Variants in TRPC7 observed in about 807,000 individuals in gnomAD.
TRPC7 encodes the protein short transient receptor potential channel 7.
In TRPC7, 42 loss-of-function variants were observed where a neutral mutation model predicts 90.1. That is an observed-to-expected ratio of 0.47 (90% CI 0.36 to 0.60). The LOEUF is 0.60. Among genes scored for constraint, TRPC7 ranks in the 20% least tolerant of loss-of-function variants. The probability of loss-of-function intolerance (pLI) is 0.00; values close to 1 mark genes in which losing one functional copy is unlikely to be tolerated. For synonymous variants in TRPC7, 451 were observed against 436.3 expected, an observed-to-expected ratio of 1.03 and a Z score of -0.42; for missense variants, 955 against 1,112.3, an observed-to-expected ratio of 0.86 and a Z score of 2.01.
intron 2 of TRPC7, among the ~76,000 whole-genome samples, chr5:136,339,577 C>T (rs1004302366): frequency 8.5e-5 from 13 of 152,240 alleles, no homozygotes; most frequent in African/African-American, 3.1e-4. Flanking sequence ...GACCAACTAA[C>T]TCCACTTGGA....
intron 3 of TRPC7, among the ~76,000 whole-genome samples, chr5:136,294,904 G>A (rs1758108075): frequency 6.6e-6 from 1 of 152,212 alleles, no homozygotes; most frequent in South Asian, 2.1e-4. Context: ...GTCCAGCAAT[G>A]ATAGACTGGA....
chr5:136,357,818 G>T (rs1317956757), intron 1 of TRPC7, among the ~76,000 whole-genome samples: 1 of 152,206 alleles, frequency 6.6e-6, no homozygotes, highest in African/African-American at 2.4e-5. Flanking sequence ...TACATGTGCT[G>T]CAGAGTCTGT....
In TRPC7 at chr5:136,315,675, C is replaced by G. The variant is rs757674510; in HGVS notation, c.885G>C (p.Val295=). The change falls in exon 3 of 12, where the codon GTG becomes GTC. Residue 295 remains valine (V), a synonymous_variant. Transcript: ENST00000513104. Reference sequence around the variant, plus strand: ...GGTGGTCGGACCAGACTTGGAAGTTCACATCACCGTTTAAAATTGCTTCCA... The same window carrying G: ...GGTGGTCGGACCAGACTTGGAAGTTGACATCACCGTTTAAAATTGCTTCCA... ...EEVEAILNGD[V]NFQVWSDHHR... is the part of the protein sequence containing the mutation. 6.2e-7 allele frequency: 1 copy of G among 1,613,960 alleles called. No homozygotes were observed. Among genetic ancestry groups the G allele is most frequent in the South Asian group, 1.1e-5 (1 of 91,068 alleles).
rs1364256162 is a variant in TRPC7 at position 136,247,921 on chromosome 5, C to T, written c.1580-186G>A. On this transcript the variant is annotated intron_variant, in intron 6 of 11. Transcript: ENST00000513104. This position sits in a 1 kb window ranked among gnomAD's most constrained non-coding sequence, Gnocchi z 4.2. ...AATGTGCTGGACCATCTGCCTGGAA[C>T]ACTCTTCTCTCACTTCGAAGTATGA... is the stretch of plus-strand genomic sequence containing the variant. Among the ~76,000 whole-genome samples, 1 of 152,214 alleles carries T rather than the reference C, an allele frequency of 6.6e-6. No homozygotes were observed. The highest frequency in any genetic ancestry group is 2.4e-5 in the African/African-American group (1 of 41,460).
chr5:136,277,925 T>G (rs9885444), intron 3 of TRPC7, among the ~76,000 whole-genome samples: 3,324 of 152,326 alleles, frequency 0.022, 117 homozygotes, highest in African/African-American at 0.075. Context: ...TGATTCATAT[T>G]CATCATAGTA....
chr5:136,294,981 C>G (rs1758111030), intron 3 of TRPC7, among the ~76,000 whole-genome samples: 1 of 152,192 alleles, frequency 6.6e-6, no homozygotes, highest in South Asian at 2.1e-4. Context: ...AGTTAATGTG[C>G]TTTGTAGGGA....
At position 136,341,096 on chromosome 5, in the gene TRPC7, C is replaced by T. The variant is rs567133255; in HGVS notation, c.780+15512G>A. Among the ~76,000 whole-genome samples the T allele has an allele frequency of 2.1e-3, 317 of 152,310 alleles. 1 individual carries two copies. The highest frequency in any genetic ancestry group is 7.3e-3 in the African/African-American group (302 of 41,574). ...TTATATAGTTTTCAGTGCCAGTGCTCTTTGACCCAGCGACTCCATTTTGGA... is the reference window on the plus strand; with the variant it reads ...TTATATAGTTTTCAGTGCCAGTGCTTTTTGACCCAGCGACTCCATTTTGGA... On this transcript the variant is annotated intron_variant, in intron 2 of 11. Coordinates refer to ENST00000513104, the MANE Select transcript of TRPC7 (RefSeq NM_020389.3).
At chr5:136,330,385 A>G (rs1759463998) in intron 2 of TRPC7, among the ~76,000 whole-genome samples, 1 of 152,184 alleles carries the variant, frequency 6.6e-6, no homozygotes, top group South Asian at 2.1e-4. Context: ...TTTTTGTCTT[A>G]TGGACAGAGG....
intron 3 of TRPC7, among the ~76,000 whole-genome samples, chr5:136,296,642 T>C (rs1159963599): frequency 6.6e-6 from 1 of 152,194 alleles, no homozygotes; most frequent in Non-Finnish European, 1.5e-5. Flanking sequence ...CACAAAATTA[T>C]TTACCCTATA....
chr5:136,330,213 T>A (rs1253455976), intron 2 of TRPC7, among the ~76,000 whole-genome samples: 2 of 152,182 alleles, frequency 1.3e-5, no homozygotes, highest in South Asian at 2.1e-4. Flanking sequence ...TGTGCACCCA[T>A]TAGGATGTAA....
intron 2 of TRPC7, among the ~76,000 whole-genome samples, chr5:136,329,810 C>T (rs1759445335): frequency 6.6e-6 from 1 of 152,166 alleles, no homozygotes; most frequent in African/African-American, 2.4e-5. Context: ...CTGCTTGGTT[C>T]TCTCTCGTGG....
At chr5:136,250,598 T>G (rs1015983444) in intron 6 of TRPC7, among the ~76,000 whole-genome samples, 5 of 152,218 alleles carry the variant, frequency 3.3e-5, no homozygotes, top group African/African-American at 1.2e-4. Context: ...AAGACATAAC[T>G]TATTTTAAAA....
chr5:136,258,400 C>G (rs1185959254), intron 5 of TRPC7, among the ~76,000 whole-genome samples: 1 of 152,170 alleles, frequency 6.6e-6, no homozygotes, highest in Non-Finnish European at 1.5e-5. Context: ...CCAAGCTGAG[C>G]CCCATGGCCT....
At chr5:136,311,599 A>G (rs1485218814) in intron 3 of TRPC7, among the ~76,000 whole-genome samples, 2 of 152,242 alleles carry the variant, frequency 1.3e-5, no homozygotes, top group Non-Finnish European at 2.9e-5. Context: ...CCCAGAGGAC[A>G]GAGACAGAGT....
intron 2 of TRPC7, among the ~76,000 whole-genome samples, chr5:136,331,689 T>A (rs933026933): frequency 1.3e-5 from 2 of 152,218 alleles, no homozygotes; most frequent in African/African-American, 4.8e-5. Flanking sequence ...CAGCATGTGC[T>A]TACTGAGCCT....
chr5:136,311,826 C>T (rs951687287), intron 3 of TRPC7, among the ~76,000 whole-genome samples: 2 of 152,112 alleles, frequency 1.3e-5, no homozygotes, highest in African/African-American at 4.8e-5. Flanking sequence ...CCTAGAGGGG[C>T]TGGGATGCAC....
chr5:136,248,590 G>C (rs1756419152), intron 6 of TRPC7, among the ~76,000 whole-genome samples: 2 of 152,172 alleles, frequency 1.3e-5, no homozygotes, highest in Non-Finnish European at 2.9e-5. Flanking sequence ...CCTTGATTAA[G>C]CTAAGGCCCC....
chr5:136,353,676 A>G (rs1463307920), intron 2 of TRPC7, among the ~76,000 whole-genome samples: 1 of 152,222 alleles, frequency 6.6e-6, no homozygotes, highest in Non-Finnish European at 1.5e-5. Context: ...CAGTTATGTT[A>G]ATTTATACTG....
At chr5:136,213,999 G>A (rs1426498134) in intron 11 of TRPC7, 1 of 181,800 alleles carries the variant, frequency 5.5e-6, no homozygotes, top group Non-Finnish European at 1.2e-5. Context: ...TGCTTTTGAT[G>A]ATGCTATGTT....
Sources: gnomAD v4.1 joint callset for allele counts (sites outside exome capture counted in the v4.1 genomes callset) on GRCh38, gnomAD v4.1.1 for gene constraint, Gnocchi (gnomAD v3.1) non-coding constraint, MANE v1.5 for transcripts, NCBI Gene and HGNC (gene_info 2026-07-23, HGNC 2026-07-21) for gene names.